Variants in NTM observed in about 807,000 individuals in gnomAD.
The protein encoded by NTM is IgLON family member 2.
Under a neutral mutation model 42.1 loss-of-function variants are expected in NTM, and 13 were observed. That is an observed-to-expected ratio of 0.31 (90% CI 0.20 to 0.49). NTM has a LOEUF of 0.49. Among genes scored for constraint, NTM ranks in the 20% least tolerant of loss-of-function variants. NTM has a pLI of 0.99. For missense variants in NTM, 373 were observed against 452.8 expected (o/e 0.82, Z 1.60); for synonymous variants, 187 against 179.2 (o/e 1.04, Z -0.35).
At chr11:131,748,614 G>A (rs2082108483) in intron 1 of NTM, among the ~76,000 whole-genome samples, 1 of 152,142 alleles carries the variant, frequency 6.6e-6, no homozygotes, top group African/African-American at 2.4e-5. Context: ...TATTTTGAAT[G>A]TATTCGTTTC....
chr11:132,216,084 G>A (rs550275616), intron 4 of NTM, among the ~76,000 whole-genome samples: 1 of 152,334 alleles, frequency 6.6e-6, no homozygotes, highest in East Asian at 1.9e-4. Flanking sequence ...AGACCTTCAA[G>A]AATGTGTTTT....
chr11:131,415,426 T>C (rs768894238), intron 1 of NTM, among the ~76,000 whole-genome samples: 1 of 152,188 alleles, frequency 6.6e-6, no homozygotes, highest in Non-Finnish European at 1.5e-5. Flanking sequence ...GCAAGGTCAT[T>C]ATGGGAAATG....
chr11:131,839,636 C>T (rs1413915079), intron 1 of NTM, among the ~76,000 whole-genome samples: 3 of 152,196 alleles, frequency 2.0e-5, no homozygotes, highest in Non-Finnish European at 4.4e-5. Flanking sequence ...CAGACTTTTA[C>T]TCTGACAGTC....
intron 2 of NTM, among the ~76,000 whole-genome samples, chr11:132,109,746 C>T (rs1387995248): frequency 6.6e-6 from 1 of 152,158 alleles, no homozygotes; most frequent in Non-Finnish European, 1.5e-5. Context: ...TGAGTGTGCA[C>T]AGCATTGTGT....
intron 1 of NTM, among the ~76,000 whole-genome samples, chr11:131,632,120 T>C (rs2063716058): frequency 6.6e-6 from 1 of 152,212 alleles, no homozygotes; most frequent in Non-Finnish European, 1.5e-5. Context: ...TTCTTCTGTA[T>C]TATGTACTTG....
At chr11:131,963,160 G>A (rs371940494) in intron 2 of NTM, among the ~76,000 whole-genome samples, 1 of 152,154 alleles carries the variant, frequency 6.6e-6, no homozygotes, top group African/African-American at 2.4e-5. Context: ...CTAGGCAAAA[G>A]ACTTTATTAC....
chr11:131,975,770 TGAAAG>T (rs2064239938), intron 2 of NTM, among the ~76,000 whole-genome samples: 1 of 152,102 alleles, frequency 6.6e-6, no homozygotes, highest in African/African-American at 2.4e-5. Flanking sequence ...CTCTTCCACT[TGAAAG>T]GAAGAGGGTC....
At chr11:131,410,439 G>A (rs970101041) in intron 1 of NTM, among the ~76,000 whole-genome samples, 2 of 148,054 alleles carry the variant, frequency 1.4e-5, no homozygotes, top group African/African-American at 5.0e-5. Flanking sequence ...TGAGCTATGA[G>A]CTGTGATTGT....
At chr11:131,749,406 A>ACC (rs1203665491) in intron 1 of NTM, among the ~76,000 whole-genome samples, 2 of 152,246 alleles carry the variant, frequency 1.3e-5, no homozygotes, top group East Asian at 3.8e-4. Context: ...CAGAGTGAGC[A>ACC]TCTAAAAATG....
intron 1 of NTM, among the ~76,000 whole-genome samples, chr11:131,772,265 T>C (rs1038122764): frequency 6.6e-6 from 1 of 152,166 alleles, no homozygotes; most frequent in Non-Finnish European, 1.5e-5. Flanking sequence ...AATTCTAAGA[T>C]AACCCTCTAG....
rs2091483580 is a variant in NTM at position 131,795,772 on chromosome 11, G to A, written c.83-115792G>A. 4.1e-6 allele frequency: 4 copies of A among 985,318 alleles called. No homozygotes were observed. The South Asian group carries it at 1.9e-4, about 46-fold the overall frequency. The allele number at this position is 985,318 out of a possible 1,614,324, so 61.0% of individuals were successfully genotyped here. On this transcript the variant is annotated intron_variant, in intron 1 of 8. Coordinates refer to ENST00000683400, the MANE Select transcript of NTM (RefSeq NM_001352005.2). Reference sequence around the variant, plus strand: ...CAGGTCATGATACTGCCTTGTGGGAGCAGTTGACTGGGGTTGGGGGGTGGT... The same window carrying A: ...CAGGTCATGATACTGCCTTGTGGGAACAGTTGACTGGGGTTGGGGGGTGGT...
At chr11:131,965,100 A>G (rs1338968410) in intron 2 of NTM, among the ~76,000 whole-genome samples, 2 of 152,198 alleles carry the variant, frequency 1.3e-5, no homozygotes, top group South Asian at 4.2e-4. Context: ...AGAATAGGGG[A>G]GCATCGCAGA....
chr11:132,246,726 C>G (rs1270880688), intron 4 of NTM, among the ~76,000 whole-genome samples: 1 of 152,234 alleles, frequency 6.6e-6, no homozygotes, highest in Admixed American at 6.5e-5. Flanking sequence ...ATCCTAAACA[C>G]ATGTAGTTAT....
chr11:131,726,878 TA>T (rs1167573141), intron 1 of NTM, among the ~76,000 whole-genome samples: 1 of 151,306 alleles, frequency 6.6e-6, no homozygotes, highest in Non-Finnish European at 1.5e-5. Context: ...CATGCATGGC[TA>T]TTTTTTTCCA....
chr11:131,576,185 C>T (rs1417754287), intron 1 of NTM, among the ~76,000 whole-genome samples: 1 of 152,188 alleles, frequency 6.6e-6, no homozygotes, highest in Non-Finnish European at 1.5e-5. Flanking sequence ...TAACAGCTCG[C>T]CCCTGAAGTA....
intron 1 of NTM, among the ~76,000 whole-genome samples, chr11:131,409,479 C>T (rs1331757834): frequency 1.3e-5 from 2 of 152,116 alleles, no homozygotes; most frequent in Non-Finnish European, 2.9e-5. Flanking sequence ...GGTGTCTCTG[C>T]CCCCGGGCAA....
chr11:131,374,458 A>G (rs1402719332), intron 1 of NTM, among the ~76,000 whole-genome samples: 4 of 152,158 alleles, frequency 2.6e-5, no homozygotes, highest in Non-Finnish European at 4.4e-5. Flanking sequence ...TGGTTCCCTT[A>G]AAGCCAAATA....
intron 2 of NTM, among the ~76,000 whole-genome samples, chr11:132,105,871 T>C (rs2062305026): frequency 1.3e-5 from 2 of 152,138 alleles, no homozygotes; most frequent in African/African-American, 2.4e-5. Flanking sequence ...AAAGAGGGGA[T>C]GTTCTAGATG....
chr11:131,471,713 G>C (rs2136181694), intron 1 of NTM, among the ~76,000 whole-genome samples: 1 of 152,220 alleles, frequency 6.6e-6, no homozygotes, highest in South Asian at 2.1e-4. Flanking sequence ...CTGTCCAAAA[G>C]GCAAATGCTT....
Sources: allele counts gnomAD v4.1 joint callset (sites outside exome capture counted in the v4.1 genomes callset), GRCh38; gene constraint gnomAD v4.1.1; transcripts MANE v1.5; gene names NCBI Gene and HGNC (gene_info 2026-07-23, HGNC 2026-07-21).